Variants in RELN observed in about 807,000 individuals in gnomAD.
The protein encoded by RELN is reelin.
RELN carries 108 observed loss-of-function variants against 427.6 expected under a neutral mutation model. The ratio of observed to expected loss-of-function variants is 0.25; its 90% confidence interval spans 0.22 to 0.30. The LOEUF is 0.30. Ranked by LOEUF, RELN falls within the 10% of genes least tolerant of loss-of-function variation. The probability of loss-of-function intolerance (pLI) is 1.00; values close to 1 mark genes in which losing one functional copy is unlikely to be tolerated. For missense variants in RELN, 3,715 were observed against 4,302.8 expected (o/e 0.86, Z 3.82); for synonymous variants, 1,524 against 1,513.4 (o/e 1.01, Z -0.16).
intron 4 of RELN, among the ~76,000 whole-genome samples, chr7:103,774,318 CT>C (rs1195597135): frequency 2.0e-5 from 3 of 148,198 alleles, no homozygotes; most frequent in African/African-American, 7.5e-5. Flanking sequence ...AAAAAAAATA[CT>C]TTCAATGAAT....
At chr7:103,810,081 A>G (rs1302947253) in intron 3 of RELN, among the ~76,000 whole-genome samples, 1 of 152,172 alleles carries the variant, frequency 6.6e-6, no homozygotes, top group Non-Finnish European at 1.5e-5. Context: ...CTTTTAATTA[A>G]TCTCACAATT....
intron 3 of RELN, among the ~76,000 whole-genome samples, chr7:103,829,135 T>C (rs39356): frequency 0.37 from 55,848 of 151,850 alleles, 10,657 homozygotes; most frequent in Non-Finnish European, 0.42. Flanking sequence ...GAGAATTAAA[T>C]GGATTAAAAG....
chr7:103,755,618 T>A (rs2097615), intron 4 of RELN, among the ~76,000 whole-genome samples: 22,949 of 132,804 alleles, frequency 0.17, 2,802 homozygotes, highest in East Asian at 0.39. Context: ...AAAAAAAAAA[T>A]AAAAAAAATA....
chr7:103,677,455 A>T (rs1478726904), intron 11 of RELN, among the ~76,000 whole-genome samples: 25 of 138,840 alleles, frequency 1.8e-4, no homozygotes, highest in African/African-American at 5.9e-4. Flanking sequence ...ATAATAATAA[A>T]AAGAACAACA....
In RELN at chr7:103,519,416, C is replaced by A. The variant is rs541813551; in HGVS notation, c.7769G>T (p.Arg2590Leu). 6.2e-7 allele frequency: 1 copy of A among 1,613,390 alleles called. No individual in the cohort carries two copies. The highest frequency in any genetic ancestry group is 8.5e-7 in the Non-Finnish European group (1 of 1,179,408). Reference protein sequence around the residue: ...MYGCLITPNNRNQGVLLEYSV... With the variant: ...MYGCLITPNNLNQGVLLEYSV... ...ATATTCCAAGAGAACACCTTGGTTA[C>A]GGTTGTTTGGTGTAATCAGGCACCC... is the stretch of plus-strand genomic sequence containing the variant. The change falls in exon 49 of 65, where the codon CGT (arginine) becomes CTT (leucine). Residue 2590 changes from arginine (R) to leucine (L), a missense_variant. This residue lies in a region of RELN where 1,310 missense variants were observed against 1,643.0 expected (regional missense o/e 0.80). Transcript: ENST00000428762.
intron 10 of RELN, among the ~76,000 whole-genome samples, chr7:103,686,668 C>T (rs1163127414): frequency 6.6e-6 from 1 of 152,092 alleles, no homozygotes; most frequent in Admixed American, 6.6e-5. Context: ...TGTGCTACAG[C>T]CATTGGAAAT....
intron 20 of RELN, among the ~76,000 whole-genome samples, chr7:103,629,156 A>G (rs189587766): frequency 6.6e-6 from 1 of 152,330 alleles, no homozygotes. Context: ...TGAACTACAC[A>G]AAGGTAGCTT....
At position 103,553,486 on chromosome 7, in the gene RELN, T is replaced by C. The variant is rs1486053974; in HGVS notation, c.6047A>G (p.Asn2016Ser). Residue 2016 changes from asparagine (N) to serine (S), a missense_variant, in exon 40 of 65, where the codon AAT (asparagine) becomes AGT (serine). Asn to Ser is a conservative substitution (Grantham distance 46, BLOSUM62 1). Coordinates refer to ENST00000428762, the MANE Select transcript of RELN (RefSeq NM_005045.4). ...HSITTRDLNV[N>S]ENTIIQFEIN... ...CTCAAATTGTATGATGGTGTTCTCA[T>C]TCACATTTAGGTCACGGGTGGTAAT... is the stretch of plus-strand genomic sequence containing the variant. 1 of 1,613,748 alleles carries C rather than the reference T, an allele frequency of 6.2e-7. No homozygotes were observed. Among genetic ancestry groups the C allele is most frequent in the South Asian group, 1.1e-5 (1 of 91,072 alleles).
intron 1 of RELN, among the ~76,000 whole-genome samples, chr7:103,983,928 A>G (rs1797045395): frequency 6.6e-6 from 1 of 151,864 alleles, no homozygotes; most frequent in South Asian, 2.1e-4. Context: ...TTCAAAAAGT[A>G]CTGGTCACTC....
chr7:103,904,962 T>G (rs1394497190), intron 2 of RELN, among the ~76,000 whole-genome samples: 1 of 147,252 alleles, frequency 6.8e-6, no homozygotes, highest in Non-Finnish European at 1.5e-5. Context: ...TGCCAATCCC[T>G]TGAAGTTCTT....
rs1563040093 is a variant in RELN, at chr7:103,833,651, A to T, written c.359T>A (p.Phe120Tyr). The change falls in exon 3 of 65, where the codon TTT becomes TAT. Residue 120 changes from phenylalanine to tyrosine, a missense_variant. Phe to Tyr is a conservative substitution (Grantham distance 22). Coordinates refer to ENST00000428762, the MANE Select transcript of RELN (RefSeq NM_005045.4). ...FGFGIMSDHQFGNQFMCSVVA... is the reference protein window; with the variant it reads ...FGFGIMSDHQYGNQFMCSVVA... ...CACACTGCACATAAACTGGTTACCA[A>T]ACTGGTGGTCAGACATGATCCCTAA... 1 of 1,613,922 alleles carries T rather than the reference A, an allele frequency of 6.2e-7. No individual in the cohort carries two copies. Among genetic ancestry groups the T allele is most frequent in the Middle Eastern group, 1.6e-4 (1 of 6,062 alleles).
rs370270033 is a variant in RELN, at chr7:103,494,970, G to GGA, written c.9369+751_9369+752dup. Reference sequence around the variant, plus strand: ...AAGGGGAGAGACAGCGGAAGGGAAGGGAGAGAGAGAGAACTGTGCAACATA... The same window carrying GGA: ...AAGGGGAGAGACAGCGGAAGGGAAGGGAGAGAGAGAGAGAACTGTGCAACATA... On this transcript the variant is annotated intron_variant, in intron 57 of 64. Coordinates refer to ENST00000428762, the MANE Select transcript of RELN (RefSeq NM_005045.4). Among the ~76,000 whole-genome samples the GGA allele has an allele frequency of 7.9e-5, 12 of 151,856 alleles. No homozygotes were observed. In the East Asian group the frequency reaches 9.7e-4, roughly 12 times the overall value.
At chr7:103,844,165 C>T (rs1349971071) in intron 2 of RELN, among the ~76,000 whole-genome samples, 1 of 152,148 alleles carries the variant, frequency 6.6e-6, no homozygotes, top group Non-Finnish European at 1.5e-5. Flanking sequence ...GATACAAATC[C>T]AAGCCATGTA....
chr7:103,869,694 T>A (rs1200160080), intron 2 of RELN, among the ~76,000 whole-genome samples: 1 of 152,148 alleles, frequency 6.6e-6, no homozygotes, highest in African/African-American at 2.4e-5. Flanking sequence ...TAGCTTTGAT[T>A]TCTCATTGGC....
intron 43 of RELN, among the ~76,000 whole-genome samples, chr7:103,541,416 T>C (rs1830175322): frequency 6.6e-6 from 1 of 152,262 alleles, no homozygotes; most frequent in Non-Finnish European, 1.5e-5. Context: ...CAGTACCATA[T>C]GTAAAACCAT....
intron 45 of RELN, 67 bp from the exon 46 acceptor site, chr7:103,535,551 T>C: frequency 6.9e-7 from 1 of 1,444,508 alleles, no homozygotes. Flanking sequence ...TAATTGTTTA[T>C]CACATTTGTG....
chr7:103,808,201 A>G (rs1444504408), intron 3 of RELN, among the ~76,000 whole-genome samples: 1 of 151,798 alleles, frequency 6.6e-6, no homozygotes. Flanking sequence ...ATAACCATCA[A>G]AAACCTTTCT....
chr7:103,864,362 T>C lies in RELN; in HGVS notation c.338-30690A>G, dbSNP rs139782409. Among the ~76,000 whole-genome samples, 427 of 152,304 alleles carry C rather than the reference T, an allele frequency of 2.8e-3. 2 individuals are homozygous for C. Among genetic ancestry groups the C allele is most frequent in the South Asian group, 5.0e-3 (24 of 4,828 alleles). On this transcript the variant is annotated intron_variant, in intron 2 of 64. Coordinates refer to ENST00000428762, the MANE Select transcript of RELN (RefSeq NM_005045.4). ...AAGTGCCCAGTGCAGTGCTGTTAAC[T>C]GCAAGTTGTACAATGCTGTGCAGCA... is the stretch of plus-strand genomic sequence containing the variant.
intron 1 of RELN, among the ~76,000 whole-genome samples, chr7:103,980,335 G>C (rs1796965719): frequency 1.3e-5 from 2 of 152,050 alleles, no homozygotes; most frequent in African/African-American, 4.8e-5. Context: ...TTACCTGGGA[G>C]ACAATGTCTG....
Sources: allele counts gnomAD v4.1 joint callset (sites outside exome capture counted in the v4.1 genomes callset), GRCh38; gene constraint gnomAD v4.1.1; regional missense constraint gnomAD v4.1.1; transcripts MANE v1.5; gene names NCBI Gene and HGNC (gene_info 2026-07-23, HGNC 2026-07-21).